Variants in GRM3 observed in about 807,000 individuals in gnomAD.
The protein encoded by GRM3 is glutamate metabotropic receptor 3, also known as metabotropic glutamate receptor 3.
A neutral mutation model predicts 70.5 loss-of-function variants in GRM3; 26 were observed. That is an observed-to-expected ratio of 0.37 (90% CI 0.27 to 0.51). GRM3 has a LOEUF of 0.51. Ranked by LOEUF, GRM3 falls within the 20% of genes least tolerant of loss-of-function variation. The probability of loss-of-function intolerance (pLI) is 0.93; values close to 1 mark genes in which losing one functional copy is unlikely to be tolerated. For synonymous variants in GRM3, 443 were observed against 434.9 expected, an observed-to-expected ratio of 1.02 and a Z score of -0.23; for missense variants, 859 against 1,123.8, an observed-to-expected ratio of 0.76 and a Z score of 3.37.
rs374433995 is a variant in GRM3 at position 86,684,166 on chromosome 7, T to C, written c.-141+39294T>C. ...AGTCTTAGACCCACACCCTGCAACA[T>C]TATAGCCTTGCTCTTGGAGTCATTT... On this transcript the variant is annotated intron_variant, in intron 1 of 5. Coordinates refer to ENST00000361669, the MANE Select transcript of GRM3 (RefSeq NM_000840.3). 2.6e-5 allele frequency among the ~76,000 whole-genome samples: 4 copies of C among 152,230 alleles called. No individual in the cohort carries two copies. In the East Asian group the frequency reaches 5.8e-4, roughly 22 times the overall value.
chr7:86,803,897 G>A (rs1797734819), intron 3 of GRM3, among the ~76,000 whole-genome samples: 1 of 152,140 alleles, frequency 6.6e-6, no homozygotes, highest in African/African-American at 2.4e-5. Context: ...ATGTATGTCA[G>A]TTAACGCTTT....
intron 1 of GRM3, among the ~76,000 whole-genome samples, chr7:86,735,661 C>A (rs1795841148): frequency 6.6e-6 from 1 of 152,104 alleles, no homozygotes; most frequent in South Asian, 2.1e-4. Flanking sequence ...TGTCAAGGAG[C>A]TACTAGTTCA....
In GRM3 at chr7:86,786,222, C is replaced by A; in HGVS notation, c.469-39C>A. On this transcript the variant is annotated intron_variant, in intron 2 of 5. Transcript: ENST00000361669. The surrounding 1 kb of genome is among the most constrained non-coding windows in gnomAD (Gnocchi z 6.0). The stretch of plus-strand genomic sequence containing the variant: ...CATTTTCATGTCCAGTCATCTACCT[C>A]GGGGTTTCTAACAAAGGTCCTTCTT... The A allele has an allele frequency of 1.3e-6, 2 of 1,566,140 alleles. No individual in the cohort carries two copies. Among genetic ancestry groups the A allele is most frequent in the South Asian group, 1.2e-5 (1 of 83,564 alleles).
At chr7:86,733,784 G>A (rs1795793956) in intron 1 of GRM3, among the ~76,000 whole-genome samples, 2 of 152,084 alleles carry the variant, frequency 1.3e-5, no homozygotes, top group African/African-American at 4.8e-5. Flanking sequence ...AGCGAGCCTA[G>A]GTGCAAGTGA....
intron 1 of GRM3, among the ~76,000 whole-genome samples, chr7:86,758,585 T>C (rs896404908): frequency 1.3e-5 from 2 of 152,090 alleles, no homozygotes; most frequent in African/African-American, 2.4e-5. Context: ...AAGGTTTACT[T>C]TGAAGGGAAG....
At chr7:86,756,969 C>A (rs1796361135) in intron 1 of GRM3, among the ~76,000 whole-genome samples, 3 of 152,132 alleles carry the variant, frequency 2.0e-5, no homozygotes, top group African/African-American at 7.2e-5. Flanking sequence ...CAATCTGTTG[C>A]CTCCTGTCAT....
At chr7:86,843,576 C>A (rs1798598771) in intron 4 of GRM3, among the ~76,000 whole-genome samples, 1 of 152,266 alleles carries the variant, frequency 6.6e-6, no homozygotes, top group Non-Finnish European at 1.5e-5. Context: ...TAATACATAG[C>A]TTAAATTGTG....
At chr7:86,778,934 G>A (rs1796968305) in intron 2 of GRM3, among the ~76,000 whole-genome samples, 1 of 152,076 alleles carries the variant, frequency 6.6e-6, no homozygotes, top group Admixed American at 6.5e-5. Context: ...AAGTAGGGTA[G>A]GTTCCTAATT....
intron 1 of GRM3, among the ~76,000 whole-genome samples, chr7:86,699,844 G>C (rs899459528): frequency 6.6e-6 from 1 of 151,878 alleles, no homozygotes; most frequent in African/African-American, 2.4e-5. Context: ...GGAAATAAAA[G>C]GTCACACTTG....
chr7:86,745,203 C>T (rs1015573424), intron 1 of GRM3, among the ~76,000 whole-genome samples: 1 of 152,086 alleles, frequency 6.6e-6, no homozygotes, highest in African/African-American at 2.4e-5. Flanking sequence ...CAATGCTTGA[C>T]TGAGATAAAG....
rs533326718 is a variant in GRM3, at chr7:86,679,819, T to C, written c.-141+34947T>C. On this transcript the variant is annotated intron_variant, in intron 1 of 5. Transcript: ENST00000361669. The stretch of plus-strand genomic sequence containing the variant: ...GAGGTTTGTTACCTAAAAATAAGAA[T>C]CATTTCAGTGGCTATATCAGGATAC... Among the ~76,000 whole-genome samples the C allele has an allele frequency of 1.2e-3, 178 of 152,162 alleles. 2 individuals carry two copies. Among genetic ancestry groups the C allele is most frequent in the African/African-American group, 4.0e-3 (165 of 41,520 alleles).
chr7:86,698,719 G>C (rs528018086), intron 1 of GRM3, among the ~76,000 whole-genome samples: 1 of 151,940 alleles, frequency 6.6e-6, no homozygotes, highest in South Asian at 2.1e-4. Flanking sequence ...ATCTGATTAA[G>C]ACAGAGAACA....
intron 4 of GRM3, among the ~76,000 whole-genome samples, chr7:86,847,151 G>A (rs1445049341): frequency 1.3e-5 from 2 of 152,176 alleles, no homozygotes; most frequent in African/African-American, 4.8e-5. Flanking sequence ...CTTTGTTCTA[G>A]AGGTAGGCAC....
At chr7:86,860,261 C>T (rs1393975610) in intron 5 of GRM3, among the ~76,000 whole-genome samples, 1 of 152,104 alleles carries the variant, frequency 6.6e-6, no homozygotes, top group Non-Finnish European at 1.5e-5. Context: ...TAGTACTTTG[C>T]CCTTCTACAT....
chr7:86,736,577 T>G (rs1162724073), intron 1 of GRM3, among the ~76,000 whole-genome samples: 1 of 152,200 alleles, frequency 6.6e-6, no homozygotes, highest in Non-Finnish European at 1.5e-5. Flanking sequence ...TCAGGCATAA[T>G]CCAAAGAGAC....
chr7:86,744,296 C>A (rs1469306307), intron 1 of GRM3, among the ~76,000 whole-genome samples: 2 of 151,378 alleles, frequency 1.3e-5, no homozygotes, highest in Non-Finnish European at 3.0e-5. Context: ...AACACTTGCC[C>A]TCATAAGTTT....
chr7:86,851,186 C>T (rs935480855), intron 5 of GRM3, among the ~76,000 whole-genome samples: 10 of 152,034 alleles, frequency 6.6e-5, no homozygotes, highest in Admixed American at 1.3e-4. Context: ...ACTAACATCC[C>T]GTGGAACACA....
chr7:86,684,018 A>G (rs1794503324), intron 1 of GRM3, among the ~76,000 whole-genome samples: 1 of 151,986 alleles, frequency 6.6e-6, no homozygotes, highest in South Asian at 2.1e-4. Flanking sequence ...TATGTATTGC[A>G]TTCTTTTTAC....
At chr7:86,778,282 C>A (rs1796948059) in intron 2 of GRM3, among the ~76,000 whole-genome samples, 1 of 152,120 alleles carries the variant, frequency 6.6e-6, no homozygotes, top group Non-Finnish European at 1.5e-5. Flanking sequence ...AAGTATAGAT[C>A]CTCATAAAAC....
Sources: allele counts gnomAD v4.1 joint callset (sites outside exome capture counted in the v4.1 genomes callset), GRCh38; gene constraint gnomAD v4.1.1; non-coding constraint Gnocchi (gnomAD v3.1); transcripts MANE v1.5; gene names NCBI Gene and HGNC (gene_info 2026-07-23, HGNC 2026-07-21).